The following ARHGAP24 variants were observed in gnomAD, a reference collection of about 807,000 sequenced individuals.
ARHGAP24 encodes Rho GTPase activating protein 24.
Under a neutral mutation model 76.4 loss-of-function variants are expected in ARHGAP24, and 50 were observed. The observed-to-expected ratio is 0.65, with a 90% CI of 0.52 to 0.83. The LOEUF is 0.83. Among genes scored for constraint, ARHGAP24 ranks in the 40% least tolerant of loss-of-function variants. ARHGAP24 has a pLI of 0.00. For synonymous variants in ARHGAP24, 345 were observed against 323.3 expected (o/e 1.07, Z -0.72); for missense variants, 930 against 914.2 (o/e 1.02, Z -0.22).
At chr4:85,787,819 G>A (rs1727922477) in intron 3 of ARHGAP24, among the ~76,000 whole-genome samples, 1 of 152,032 alleles carries the variant, frequency 6.6e-6, no homozygotes, top group South Asian at 2.1e-4. Context: ...GAGTACATGG[G>A]GGACAGAACT....
At chr4:85,664,154 G>A (rs1722515214) in intron 2 of ARHGAP24, among the ~76,000 whole-genome samples, 1 of 151,346 alleles carries the variant, frequency 6.6e-6, no homozygotes, top group African/African-American at 2.5e-5. Flanking sequence ...ACTCTTTTTT[G>A]TTGGTAAGCT....
In ARHGAP24 at chr4:85,942,098, C is replaced by G; in HGVS notation, c.424C>G (p.Arg142Gly). Reference sequence around the variant, plus strand: ...TGGACAGAAACTGGAGGATACTGTTCGTTATGAGAAGAGATATGGGAACCG... The same window carrying G: ...TGGACAGAAACTGGAGGATACTGTTGGTTATGAGAAGAGATATGGGAACCG... Reference protein sequence around the residue: ...IFGQKLEDTVRYEKRYGNRLA... With the variant: ...IFGQKLEDTVGYEKRYGNRLA... Residue 142 changes from arginine (R) to glycine (G), a missense_variant, in exon 5 of 10, where the codon CGT becomes GGT. Physicochemically the swap from Arg to Gly is moderately radical, Grantham distance 125. Coordinates refer to ENST00000395184, the MANE Select transcript of ARHGAP24 (RefSeq NM_001025616.3). The G allele has an allele frequency of 6.2e-7, 1 of 1,613,510 alleles. No homozygotes were observed. The highest frequency in any genetic ancestry group is 8.5e-7 in the Non-Finnish European group (1 of 1,179,938).
chr4:85,729,905 T>TA (rs1281893948), intron 3 of ARHGAP24, among the ~76,000 whole-genome samples: 1 of 152,044 alleles, frequency 6.6e-6, no homozygotes, highest in African/African-American at 2.4e-5. Context: ...CTGGGCTAGA[T>TA]AAAAAAAGCA....
chr4:85,935,471 G>C (rs1327587631), intron 4 of ARHGAP24, among the ~76,000 whole-genome samples: 1 of 152,182 alleles, frequency 6.6e-6, no homozygotes, highest in East Asian at 1.9e-4. Context: ...GTCTTTGAAA[G>C]TTACAAAAAG....
chr4:85,949,288 A>G (rs1455217364), intron 5 of ARHGAP24, among the ~76,000 whole-genome samples: 1 of 152,218 alleles, frequency 6.6e-6, no homozygotes, highest in Non-Finnish European at 1.5e-5. Context: ...AATTTCTAGT[A>G]TCAATGACTG....
At chr4:85,649,064 C>T (rs1312169198) in intron 2 of ARHGAP24, among the ~76,000 whole-genome samples, 1 of 149,736 alleles carries the variant, frequency 6.7e-6, no homozygotes, top group Non-Finnish European at 1.5e-5. Context: ...TATTCTATTT[C>T]TGAGAGCAAA....
chr4:85,946,188 C>T (rs1355988521), intron 5 of ARHGAP24, among the ~76,000 whole-genome samples: 2 of 152,124 alleles, frequency 1.3e-5, no homozygotes, highest in African/African-American at 2.4e-5. Context: ...AGGGTCCTCC[C>T]GTGACATGTG....
intron 3 of ARHGAP24, among the ~76,000 whole-genome samples, chr4:85,782,589 C>G (rs920782994): frequency 2.6e-5 from 4 of 152,200 alleles, no homozygotes; most frequent in African/African-American, 7.2e-5. Flanking sequence ...TCCCAAGGAA[C>G]TGTCAAGCTT....
chr4:85,896,360 C>T (rs1734179905), intron 3 of ARHGAP24, among the ~76,000 whole-genome samples: 1 of 152,136 alleles, frequency 6.6e-6, no homozygotes, highest in Non-Finnish European at 1.5e-5. Context: ...ATAAAACTGC[C>T]ATTTATATCT....
At chr4:85,959,220 G>A (rs942522935) in intron 5 of ARHGAP24, among the ~76,000 whole-genome samples, 1 of 152,158 alleles carries the variant, frequency 6.6e-6, no homozygotes, top group South Asian at 2.1e-4. Context: ...TCCTGACATT[G>A]CCATGGCATC....
At chr4:85,732,934 A>G (rs1297547361) in intron 3 of ARHGAP24, among the ~76,000 whole-genome samples, 2 of 150,482 alleles carry the variant, frequency 1.3e-5, no homozygotes, top group Non-Finnish European at 3.0e-5. Context: ...CCAACCTCAG[A>G]TGATGCACCT....
At chr4:85,700,147 C>A (rs1724022510) in intron 2 of ARHGAP24, among the ~76,000 whole-genome samples, 2 of 152,184 alleles carry the variant, frequency 1.3e-5, no homozygotes, top group Admixed American at 1.3e-4. Flanking sequence ...GTAATCCCAG[C>A]AGTTTGGGAG....
intron 2 of ARHGAP24, among the ~76,000 whole-genome samples, chr4:85,709,963 G>T (rs944169027): frequency 2.6e-5 from 4 of 152,064 alleles, no homozygotes; most frequent in African/African-American, 9.7e-5. Flanking sequence ...TAGATTTAAT[G>T]CTTTTTCTAT....
chr4:85,952,755 G>T (rs760045673), intron 5 of ARHGAP24, among the ~76,000 whole-genome samples: 4 of 152,074 alleles, frequency 2.6e-5, no homozygotes, highest in Non-Finnish European at 5.9e-5. Context: ...AGTGAATTTT[G>T]TGAGAAAGGG....
At chr4:85,808,858 T>C (rs1432910102) in intron 3 of ARHGAP24, among the ~76,000 whole-genome samples, 1 of 152,204 alleles carries the variant, frequency 6.6e-6, no homozygotes, top group Non-Finnish European at 1.5e-5. Context: ...AAAAAAGTTT[T>C]CTTTGATGAG....
chr4:85,962,739 T>G (rs548367514), intron 5 of ARHGAP24, among the ~76,000 whole-genome samples: 1 of 151,598 alleles, frequency 6.6e-6, no homozygotes, highest in East Asian at 1.9e-4. Flanking sequence ...TGTTACTTCA[T>G]TATGACTCCC....
intron 7 of ARHGAP24, among the ~76,000 whole-genome samples, chr4:85,976,289 G>A (rs1019259496): frequency 4.6e-5 from 7 of 152,170 alleles, no homozygotes; most frequent in African/African-American, 7.2e-5. Flanking sequence ...GTGGAAATAG[G>A]CACCTTTTTT....
At chr4:85,970,614 A>G (rs1441187863) in intron 5 of ARHGAP24, among the ~76,000 whole-genome samples, 1 of 152,292 alleles carries the variant, frequency 6.6e-6, no homozygotes, top group Non-Finnish European at 1.5e-5. Context: ...CTCAGCTCAT[A>G]TAATTTCATA....
chr4:85,578,297 T>C (rs1241447127), intron 2 of ARHGAP24, among the ~76,000 whole-genome samples: 1 of 152,204 alleles, frequency 6.6e-6, no homozygotes, highest in Non-Finnish European at 1.5e-5. Context: ...ATTACAGGAA[T>C]GCTCCTCAGG....
Sources: gnomAD v4.1 joint callset for allele counts (sites outside exome capture counted in the v4.1 genomes callset) on GRCh38, gnomAD v4.1.1 for gene constraint, MANE v1.5 for transcripts, NCBI Gene and HGNC (gene_info 2026-07-23, HGNC 2026-07-21) for gene names.